ABCA12: variants seen among roughly 807,000 people sequenced by gnomAD.
ABCA12 encodes glucosylceramide transporter ABCA12.
Under a neutral mutation model 293.5 loss-of-function variants are expected in ABCA12, and 156 were observed. The ratio of observed to expected loss-of-function variants is 0.53; its 90% CI spans 0.47 to 0.61. The LOEUF (loss-of-function observed/expected upper bound fraction) is 0.61. ABCA12 is among the 20% of genes least tolerant of loss of function. The pLI, the probability that ABCA12 is intolerant of heterozygous loss-of-function variation, is 0.00. For synonymous variants in ABCA12, 1,063 were observed against 1,108.0 expected (o/e 0.96, Z 0.81); for missense variants, 2,797 against 3,090.2 (o/e 0.91, Z 2.25).
intron 36 of ABCA12, among the ~76,000 whole-genome samples, chr2:214,972,159 A>G (rs1699399481): frequency 6.6e-6 from 1 of 152,064 alleles, no homozygotes. Flanking sequence ...TTTGTTGTAT[A>G]TTGTGAATAT....
chr2:215,137,498 T>C (rs570864920), intron 1 of ABCA12, among the ~76,000 whole-genome samples: 1 of 152,330 alleles, frequency 6.6e-6, no homozygotes, highest in Non-Finnish European at 1.5e-5. Flanking sequence ...ACGCAAACAT[T>C]AATGTAAGAG....
At chr2:215,040,696 C>A (rs1281399121) in intron 7 of ABCA12, among the ~76,000 whole-genome samples, 1 of 152,070 alleles carries the variant, frequency 6.6e-6, no homozygotes, top group Admixed American at 6.6e-5. Context: ...CCTGTAATCC[C>A]AGCTACTTGG....
At chr2:215,064,344 G>C in intron 2 of ABCA12, 125 bp from the exon 3 acceptor site, 1 of 943,290 alleles carries the variant, frequency 1.1e-6, no homozygotes, top group South Asian at 1.4e-5. Flanking sequence ...CCCCAACTGA[G>C]CCCCAACTCT....
chr2:215,085,380 A>G (rs1293600092), intron 2 of ABCA12: 1 of 152,174 alleles, frequency 6.6e-6, no homozygotes, highest in Non-Finnish European at 1.5e-5. Context: ...ACCTGGTTCC[A>G]ACTCTACCAC....
intron 44 of ABCA12, among the ~76,000 whole-genome samples, chr2:214,951,531 C>T (rs113347533): frequency 1.3e-5 from 2 of 152,042 alleles, no homozygotes; most frequent in Admixed American, 6.6e-5. Flanking sequence ...GAGAGGCCGA[C>T]GGATCACCTG....
chr2:215,109,860 A>G (rs1702535514), intron 2 of ABCA12, among the ~76,000 whole-genome samples: 1 of 152,214 alleles, frequency 6.6e-6, no homozygotes, highest in Admixed American at 6.5e-5. Flanking sequence ...AAAACAAGAA[A>G]TTGGTGAAAA....
At chr2:215,135,370 C>A (rs1703203078) in intron 1 of ABCA12, among the ~76,000 whole-genome samples, 1 of 152,098 alleles carries the variant, frequency 6.6e-6, no homozygotes, top group Non-Finnish European at 1.5e-5. Flanking sequence ...TTTGTTTCTC[C>A]ATTAATAGAT....
intron 39 of ABCA12, among the ~76,000 whole-genome samples, chr2:214,959,873 C>T (rs1699065301): frequency 6.6e-6 from 1 of 152,074 alleles, no homozygotes; most frequent in African/African-American, 2.4e-5. Flanking sequence ...CAAAGGAAAA[C>T]AATGTGAGGG....
chr2:215,008,054 A>G (rs1187999374), intron 18 of ABCA12, among the ~76,000 whole-genome samples: 1 of 152,150 alleles, frequency 6.6e-6, no homozygotes, highest in African/African-American at 2.4e-5. Context: ...AAAATTCTGG[A>G]TAATTTAGGG....
chr2:215,081,306 C>G (rs1157079613), intron 2 of ABCA12, among the ~76,000 whole-genome samples: 2 of 151,546 alleles, frequency 1.3e-5, no homozygotes, highest in African/African-American at 2.4e-5. Context: ...GGTGAAACCC[C>G]ATCTCTACTA....
chr2:215,104,280 T>C (rs1702417664), intron 2 of ABCA12, among the ~76,000 whole-genome samples: 2 of 152,202 alleles, frequency 1.3e-5, no homozygotes, highest in Admixed American at 6.5e-5. Flanking sequence ...TTGTTAAAAT[T>C]AAGTTTTATT....
intron 39 of ABCA12, among the ~76,000 whole-genome samples, chr2:214,965,243 C>T (rs1574947681): frequency 6.6e-6 from 1 of 152,090 alleles, no homozygotes; most frequent in East Asian, 1.9e-4. Flanking sequence ...TGGATTAAAG[C>T]CTTAAATGTA....
chr2:215,006,251 G>A (rs546077435), intron 19 of ABCA12, among the ~76,000 whole-genome samples: 1 of 151,856 alleles, frequency 6.6e-6, no homozygotes, highest in East Asian at 1.9e-4. Flanking sequence ...TTCTCCTCCT[G>A]GAGAAAAAGT....
intron 39 of ABCA12, among the ~76,000 whole-genome samples, chr2:214,965,763 G>T (rs1699240597): frequency 6.6e-6 from 1 of 152,002 alleles, no homozygotes; most frequent in South Asian, 2.1e-4. Flanking sequence ...AGAAAAAGGA[G>T]CACTTTTACA....
chr2:215,060,571 T>C (rs1701509221), intron 3 of ABCA12, among the ~76,000 whole-genome samples: 1 of 152,074 alleles, frequency 6.6e-6, no homozygotes, highest in African/African-American at 2.4e-5. Flanking sequence ...AGTTTAAAAC[T>C]CTTAAATTCT....
chr2:214,988,537 G>A (rs1337160580), intron 26 of ABCA12, among the ~76,000 whole-genome samples: 2 of 152,120 alleles, frequency 1.3e-5, no homozygotes, highest in Non-Finnish European at 2.9e-5. Context: ...ACCAAAAAAT[G>A]CATACATATA....
intron 2 of ABCA12, among the ~76,000 whole-genome samples, chr2:215,101,223 C>G (rs1702350557): frequency 6.6e-6 from 1 of 152,152 alleles, no homozygotes; most frequent in Admixed American, 6.6e-5. Context: ...GAATTAAATC[C>G]ATTCTCTGGT....
rs1001240091 is a variant in ABCA12, at chr2:215,138,574, G to C, written c.-366C>G. On this transcript the variant is annotated 5_prime_UTR_variant, in exon 1 of 53. Transcript: ENST00000272895. ...ATGCCTCACTGAAAAAAAAAAAAAA[G>C]CAGCAGCTGAACCCACACCTCCTAC... The C allele has an allele frequency of 1.6e-5, 5 of 306,216 alleles. No homozygotes were observed. The highest frequency in any genetic ancestry group is 1.2e-4 in the African/African-American group (5 of 43,238). 19.0% of individuals were successfully genotyped at this position (306,216 alleles called of 1,614,324 possible). A position where few individuals can be genotyped will look rare whatever the true frequency, so the allele number is the denominator to read the frequency against.
chr2:215,033,920 G>C (rs778138178), intron 8 of ABCA12, among the ~76,000 whole-genome samples: 1 of 151,972 alleles, frequency 6.6e-6, no homozygotes, highest in African/African-American at 2.4e-5. Context: ...CAACCTGGGC[G>C]ACGGAGTGAG....
Sources: allele counts gnomAD v4.1 joint callset (sites outside exome capture counted in the v4.1 genomes callset), GRCh38; gene constraint gnomAD v4.1.1; transcripts MANE v1.5; gene names NCBI Gene and HGNC (gene_info 2026-07-23, HGNC 2026-07-21).